DPP10: variants seen among roughly 807,000 people sequenced by gnomAD.
DPP10 encodes the protein inactive dipeptidyl peptidase 10.
DPP10 carries 33 observed loss-of-function variants against 120.9 expected under a neutral mutation model. That is an observed-to-expected ratio of 0.27 (90% CI 0.21 to 0.37). The LOEUF (loss-of-function observed/expected upper bound fraction) is 0.37, where lower values mean the gene tolerates loss of function less well. Ranked by LOEUF, DPP10 falls within the 10% of genes least tolerant of loss-of-function variation. The pLI is 1.00. For synonymous variants in DPP10, 337 were observed against 326.1 expected (o/e 1.03, Z -0.36); for missense variants, 816 against 942.8 (o/e 0.87, Z 1.76).
At chr2:115,784,658 C>T (rs189103526) in intron 17 of DPP10, among the ~76,000 whole-genome samples, 14 of 152,130 alleles carry the variant, frequency 9.2e-5, no homozygotes, top group East Asian at 1.9e-4. Context: ...CTCAGCCCCC[C>T]GAGTAGCTGG....
At chr2:115,186,975 G>T (rs1166278198) in intron 1 of DPP10, among the ~76,000 whole-genome samples, 5 of 141,672 alleles carry the variant, frequency 3.5e-5, no homozygotes, top group Non-Finnish European at 6.0e-5. Flanking sequence ...CCACAATTCT[G>T]CCAGGTTCTA....
At chr2:114,524,661 T>A (rs1685347844) in intron 1 of DPP10, among the ~76,000 whole-genome samples, 1 of 152,150 alleles carries the variant, frequency 6.6e-6, no homozygotes, top group Non-Finnish European at 1.5e-5. Flanking sequence ...TACTCAAGTT[T>A]TGTTGCAATA....
intron 1 of DPP10, among the ~76,000 whole-genome samples, chr2:114,845,574 A>T (rs923874211): frequency 6.6e-6 from 1 of 152,124 alleles, no homozygotes; most frequent in Non-Finnish European, 1.5e-5. Context: ...AATTTTTAAG[A>T]GGACTTTGTT....
chr2:114,863,618 C>A (rs1048545906), intron 1 of DPP10, among the ~76,000 whole-genome samples: 4 of 152,092 alleles, frequency 2.6e-5, no homozygotes, highest in African/African-American at 9.7e-5. Context: ...GCAGAAGCCA[C>A]GAAGCACCAA....
chr2:115,245,440 C>G (rs2058491339), intron 1 of DPP10, among the ~76,000 whole-genome samples: 2 of 152,064 alleles, frequency 1.3e-5, no homozygotes, highest in African/African-American at 4.8e-5. Flanking sequence ...CCACCTTACT[C>G]TTGCAAAAAT....
At chr2:115,366,727 C>T (rs2065099552) in intron 3 of DPP10, among the ~76,000 whole-genome samples, 1 of 152,012 alleles carries the variant, frequency 6.6e-6, no homozygotes, top group Non-Finnish European at 1.5e-5. Flanking sequence ...TCCACACATC[C>T]ACAGGTGCAG....
chr2:115,199,043 T>A (rs988073784), intron 1 of DPP10, among the ~76,000 whole-genome samples: 5 of 152,128 alleles, frequency 3.3e-5, no homozygotes, highest in African/African-American at 1.2e-4. Context: ...ATCATGATAA[T>A]GTAGATAATA....
At chr2:115,471,265 G>T (rs2074699314) in intron 3 of DPP10, among the ~76,000 whole-genome samples, 1 of 152,120 alleles carries the variant, frequency 6.6e-6, no homozygotes, top group Admixed American at 6.6e-5. Flanking sequence ...CAGCTAAGTG[G>T]GGAAAGGAAA....
chr2:115,742,646 C>T (rs748281266), intron 9 of DPP10, among the ~76,000 whole-genome samples: 1 of 151,960 alleles, frequency 6.6e-6, no homozygotes, highest in Non-Finnish European at 1.5e-5. Context: ...GGGTATGTTA[C>T]GTCAATTTTC....
At chr2:114,447,706 ACT>A in intron 1 of DPP10, among the ~76,000 whole-genome samples, 1 of 152,258 alleles carries the variant, frequency 6.6e-6, no homozygotes, top group African/African-American at 2.4e-5. Flanking sequence ...ACCACTGGTA[ACT>A]CTACAGCAAC....
intron 1 of DPP10, among the ~76,000 whole-genome samples, chr2:114,473,264 C>G (rs1294827054): frequency 1.3e-5 from 2 of 152,070 alleles, no homozygotes; most frequent in South Asian, 4.2e-4. Context: ...TGTATGGTAG[C>G]CATTGCTATT....
chr2:115,119,714 T>C (rs2049721519), intron 1 of DPP10, among the ~76,000 whole-genome samples: 1 of 152,166 alleles, frequency 6.6e-6, no homozygotes, highest in South Asian at 2.1e-4. Flanking sequence ...ATGGGCATTC[T>C]AGGGTCTTCT....
intron 1 of DPP10, among the ~76,000 whole-genome samples, chr2:114,635,369 T>C (rs538700605): frequency 6.6e-6 from 1 of 151,978 alleles, no homozygotes; most frequent in East Asian, 1.9e-4. Flanking sequence ...ACAGTGGACA[T>C]AAAATGGATG....
chr2:114,745,286 C>G (rs923370766), intron 1 of DPP10, among the ~76,000 whole-genome samples: 1 of 152,158 alleles, frequency 6.6e-6, no homozygotes, highest in African/African-American at 2.4e-5. Flanking sequence ...GGAGGAGGTA[C>G]CTGCCTCATG....
chr2:115,131,335 C>T (rs1445987369), intron 1 of DPP10, among the ~76,000 whole-genome samples: 2 of 152,002 alleles, frequency 1.3e-5, no homozygotes, highest in African/African-American at 2.4e-5. Context: ...GGCAAAATGG[C>T]GAGACCCTGT....
At chr2:115,321,439 T>G (rs1463761942) in intron 2 of DPP10, among the ~76,000 whole-genome samples, 1 of 152,064 alleles carries the variant, frequency 6.6e-6, no homozygotes, top group Non-Finnish European at 1.5e-5. Flanking sequence ...TTTCTTTCGC[T>G]GCTTGCAGGA....
intron 1 of DPP10, among the ~76,000 whole-genome samples, chr2:115,063,539 A>G (rs923399828): frequency 1.3e-5 from 2 of 152,226 alleles, no homozygotes; most frequent in African/African-American, 2.4e-5. Context: ...ACAGTAACCA[A>G]AACAGCTTAG....
chr2:115,803,682 A>G (rs1156301258), intron 19 of DPP10, among the ~76,000 whole-genome samples: 2 of 151,920 alleles, frequency 1.3e-5, no homozygotes, highest in Non-Finnish European at 2.9e-5. Context: ...TTTCTCCTTC[A>G]CGTATGAAGC....
At position 115,425,555 on chromosome 2, in the gene DPP10, G is replaced by A. The variant is rs1258667429; in HGVS notation, c.272-73955G>A. Among the ~76,000 whole-genome samples the A allele has an allele frequency of 2.0e-5, 3 of 152,048 alleles. No individual in the cohort carries two copies. In the East Asian group the frequency reaches 5.8e-4, roughly 29 times the overall value. On this transcript the variant is annotated intron_variant, in intron 3 of 25. Coordinates refer to ENST00000410059, the MANE Select transcript of DPP10 (RefSeq NM_020868.6). ...GAATTATTTACAATGAGCATAAATTGAAACTAAAAAATTAGGTAACTCTTT... is the reference window on the plus strand; with the variant it reads ...GAATTATTTACAATGAGCATAAATTAAAACTAAAAAATTAGGTAACTCTTT...
Sources: allele counts gnomAD v4.1 joint callset (sites outside exome capture counted in the v4.1 genomes callset), GRCh38; gene constraint gnomAD v4.1.1; transcripts MANE v1.5; gene names NCBI Gene and HGNC (gene_info 2026-07-23, HGNC 2026-07-21).